Variants in MORF4L1 observed in about 807,000 individuals in gnomAD.
MORF4L1 encodes the protein mortality factor 4 like 1.
Under a neutral mutation model 52.9 loss-of-function variants are expected in MORF4L1, and 4 were observed. That is an observed-to-expected ratio of 0.08 (90% CI 0.04 to 0.17). MORF4L1 has a LOEUF of 0.17. Among genes scored for constraint, MORF4L1 ranks in the 10% least tolerant of loss-of-function variants. MORF4L1 has a pLI of 1.00. For synonymous variants in MORF4L1, 123 were observed against 134.8 expected, an observed-to-expected ratio of 0.91 and a Z score of 0.61; for missense variants, 214 against 390.4, an observed-to-expected ratio of 0.55 and a Z score of 3.81.
At chr15:78,877,633 AC>A (rs1195015728) in intron 1 of MORF4L1, 1 of 152,226 alleles carries the variant, frequency 6.6e-6, no homozygotes, top group African/African-American at 2.4e-5. Context: ...GTAGACTGTT[AC>A]GTTCCAAAGG....
intron 5 of MORF4L1, among the ~76,000 whole-genome samples, chr15:78,888,986 G>T (rs1002966300): frequency 1.3e-5 from 2 of 152,084 alleles, no homozygotes; most frequent in Non-Finnish European, 2.9e-5. Context: ...ATATAGAAAA[G>T]ATTTTTATCA....
Position 78,897,101 on chromosome 15 carries a change from G to C in MORF4L1, c.*34G>C, listed in dbSNP as rs777803013. 6.6e-7 allele frequency: 1 copy of C among 1,526,660 alleles called. No individual in the cohort carries two copies. Among genetic ancestry groups the C allele is most frequent in the African/African-American group, 1.4e-5 (1 of 73,228 alleles). The allele number at this position is 1,526,660 out of a possible 1,614,324, so 94.6% of individuals were successfully genotyped here. A position where few individuals can be genotyped will look rare whatever the true frequency, so the allele number is the denominator to read the frequency against. ...CTCACTCACTTATGTTTGGATCTCC[G>C]TAAACACATTTTTGTTCTTAGTCTA... On this transcript the variant is annotated 3_prime_UTR_variant, in exon 12 of 12. Coordinates refer to ENST00000426013, the MANE Select transcript of MORF4L1 (RefSeq NM_006791.4).
intron 8 of MORF4L1, chr15:78,892,973 T>G (rs1238455917): frequency 1.3e-5 from 2 of 153,572 alleles, no homozygotes; most frequent in African/African-American, 4.8e-5. Context: ...ACAGCTAAAC[T>G]GCGAAGATTC....
At position 78,878,245 on chromosome 15, in the gene MORF4L1, C is replaced by T; in HGVS notation, c.73C>T (p.Leu25Phe). The T allele has an allele frequency of 6.2e-7, 1 of 1,611,828 alleles. No individual in the cohort carries two copies. The highest frequency in any genetic ancestry group is 8.5e-7 in the Non-Finnish European group (1 of 1,179,542). Residue 25 changes from leucine (L) to phenylalanine (F), a missense_variant, in exon 2 of 12, where the codon CTT becomes TTT. This residue lies in a region of MORF4L1 where 32 missense variants were observed against 51.1 expected (regional missense o/e 0.63). Coordinates refer to ENST00000426013, the MANE Select transcript of MORF4L1 (RefSeq NM_006791.4). ...ERVLCFHGPL[L>F]YEAKCVKVAI... ...AGTGCTGTGCTTTCATGGGCCTCTT[C>T]TTTATGAAGCAAAGGTATGAAACTT... is the stretch of plus-strand genomic sequence containing the variant.
chr15:78,891,581 T>C lies in MORF4L1; in HGVS notation c.438+9T>C. On this transcript the variant is annotated intron_variant, in intron 7 of 11. Transcript: ENST00000426013. ...ATCCTACTGTTGAAAATGTGAGTTT[T>C]TCTTGTGTTTATGAATAGCATGTTA... 1 of 1,602,590 alleles carries C rather than the reference T, an allele frequency of 6.2e-7. No homozygotes were observed. The highest frequency in any genetic ancestry group is 8.5e-7 in the Non-Finnish European group (1 of 1,170,078).
chr15:78,895,937 T>C (rs568504091), intron 11 of MORF4L1, among the ~76,000 whole-genome samples: 5 of 152,308 alleles, frequency 3.3e-5, no homozygotes, highest in Admixed American at 1.3e-4. Context: ...GAATGTGCTC[T>C]ACTACTTGAC....
At chr15:78,873,189 G>A in intron 1 of MORF4L1, 132 bp downstream of exon 1, 1 of 1,520,618 alleles carries the variant, frequency 6.6e-7, no homozygotes, top group Non-Finnish European at 8.8e-7. Flanking sequence ...TGCTTTGTGC[G>A]GGGAAAGCGC....
At chr15:78,895,000 T>G (rs10519216) in intron 11 of MORF4L1, 96 bp downstream of exon 11, 1 of 974,908 alleles carries the variant, frequency 1.0e-6, no homozygotes, top group South Asian at 1.4e-5. Context: ...AACATTATAT[T>G]GGTACAGGCA....
Position 78,891,000 on chromosome 15 carries a change from A to G in MORF4L1, c.335A>G (p.Lys112Arg). ...QQKNVEVKTK[K>R]NKQKTPGNGD... Reference sequence around the variant, plus strand: ...TTCTCTCCTTTTAGGAAAACGAAAAAGAACAAACAGAAAAGTAAGAATATT... The same window carrying G: ...TTCTCTCCTTTTAGGAAAACGAAAAGGAACAAACAGAAAAGTAAGAATATT... Residue 112 changes from lysine to arginine, a missense_variant, in exon 6 of 12, where the codon AAG becomes AGG. Transcript: ENST00000426013. 1 of 1,460,236 alleles carries G rather than the reference A, an allele frequency of 6.8e-7. No individual in the cohort carries two copies. The highest frequency in any genetic ancestry group is 2.5e-5 in the East Asian group (1 of 40,214). The allele number at this position is 1,460,236 out of a possible 1,614,324, so 90.5% of individuals were successfully genotyped here. A position where few individuals can be genotyped will look rare whatever the true frequency, so the allele number is the denominator to read the frequency against.
intron 7 of MORF4L1, 76 bp from the exon 8 acceptor site, chr15:78,892,136 A>G: frequency 1.0e-6 from 1 of 995,564 alleles, no homozygotes; most frequent in Non-Finnish European, 1.5e-6. Context: ...TAGTGCCTCT[A>G]AAAGTCAGCT....
In MORF4L1 at chr15:78,897,163, G is replaced by A. The variant is rs1209300506; in HGVS notation, c.*96G>A. ...AACGATGTGCTTTGAAGATGTTAGT[G>A]TATAACAATTGATGTTTGTTTTCTG... On this transcript the variant is annotated 3_prime_UTR_variant, in exon 12 of 12. Transcript: ENST00000426013. 5.9e-5 allele frequency: 53 copies of A among 901,164 alleles called. No homozygotes were observed. Among genetic ancestry groups the A allele is most frequent in the South Asian group, 4.3e-4 (26 of 59,898 alleles). 55.8% of individuals were successfully genotyped at this position (901,164 alleles called of 1,614,324 possible).
chr15:78,885,865 A>T (rs552259311), intron 3 of MORF4L1, among the ~76,000 whole-genome samples: 4 of 152,266 alleles, frequency 2.6e-5, no homozygotes, highest in African/African-American at 9.6e-5. Flanking sequence ...TGAATCTTAC[A>T]TTAAGTGCCA....
intron 1 of MORF4L1, 176 bp downstream of exon 1, chr15:78,873,233 G>C: frequency 6.6e-7 from 1 of 1,510,596 alleles, no homozygotes; most frequent in Non-Finnish European, 8.8e-7. Flanking sequence ...GTCATTGTGA[G>C]AAAGCGCTTT....
At chr15:78,883,381 C>T (rs1034445993) in intron 3 of MORF4L1, among the ~76,000 whole-genome samples, 1 of 152,102 alleles carries the variant, frequency 6.6e-6, no homozygotes, top group Non-Finnish European at 1.5e-5. Context: ...TAATAGATAA[C>T]CCTGTATAAA....
At chr15:78,884,899 T>G (rs576514452) in intron 3 of MORF4L1, 2 of 1,096,154 alleles carry the variant, frequency 1.8e-6, no homozygotes, top group South Asian at 1.7e-5. Flanking sequence ...AAATGAATCT[T>G]AATAAAGCTG....
chr15:78,884,660 TACACACAC>T lies in MORF4L1; in HGVS notation c.156-1461_156-1454del, dbSNP rs67970418. Among the ~76,000 whole-genome samples, 280 of 130,706 alleles carry T rather than the reference TACACACAC, an allele frequency of 2.1e-3. 3 individuals carry two copies. Among genetic ancestry groups the T allele is most frequent in the East Asian group, 8.9e-3 (40 of 4,470 alleles). 85.7% of individuals were successfully genotyped at this position (130,706 alleles called of 152,430 possible). On this transcript the variant is annotated intron_variant, in intron 3 of 11. Transcript: ENST00000426013. ...GTCTCAAAAAAAAAAAAAAAAAAAATACACACACACACACACACACACACACAAATATC... is the reference window on the plus strand; with the variant it reads ...GTCTCAAAAAAAAAAAAAAAAAAAATACACACACACACACACACAAATATC...
chr15:78,894,668 A>G (rs974810170), intron 10 of MORF4L1, 152 bp from the exon 11 acceptor site: 7 of 629,884 alleles, frequency 1.1e-5, no homozygotes, highest in African/African-American at 1.1e-4. Flanking sequence ...TCGGCCTCCC[A>G]AAGTGCTGGG....
chr15:78,893,433 T>C, intron 8 of MORF4L1, 106 bp from the exon 9 acceptor site: 1 of 746,090 alleles, frequency 1.3e-6, no homozygotes, highest in Non-Finnish European at 2.4e-6. Context: ...CTTTCCTAAT[T>C]TGAAATACTG....
At chr15:78,879,531 TAAA>T (rs1452530080) in intron 2 of MORF4L1, among the ~76,000 whole-genome samples, 3 of 152,148 alleles carry the variant, frequency 2.0e-5, no homozygotes, top group Non-Finnish European at 4.4e-5. Flanking sequence ...GACTGTCTCT[TAAA>T]AAAGAAATCC....
Sources: allele counts gnomAD v4.1 joint callset (sites outside exome capture counted in the v4.1 genomes callset), GRCh38; gene constraint gnomAD v4.1.1; regional missense constraint gnomAD v4.1.1; transcripts MANE v1.5; gene names NCBI Gene and HGNC (gene_info 2026-07-23, HGNC 2026-07-21).